The following NKAIN3 variants were observed in gnomAD, a reference collection of about 807,000 sequenced individuals.
NKAIN3 encodes sodium/potassium-transporting ATPase subunit beta-1-interacting protein 3.
A neutral mutation model predicts 30.2 loss-of-function variants in NKAIN3; 25 were observed. That is an observed-to-expected ratio of 0.83 (90% CI 0.60 to 1.16). The LOEUF (loss-of-function observed/expected upper bound fraction) is 1.16, where lower values mean the gene tolerates loss of function less well. NKAIN3 is among the 50% of genes most tolerant of loss of function. The pLI is 0.00. For missense variants in NKAIN3, 225 were observed against 254.1 expected (o/e 0.89, Z 0.78); for synonymous variants, 91 against 89.6 (o/e 1.02, Z -0.09).
intron 4 of NKAIN3, among the ~76,000 whole-genome samples, chr8:62,904,832 A>G (rs1247445690): frequency 1.3e-5 from 2 of 152,248 alleles, no homozygotes. Flanking sequence ...TTCATAGTAG[A>G]GACAAACATG....
chr8:62,862,991 A>G (rs1820299992), intron 4 of NKAIN3: 2 of 526,392 alleles, frequency 3.8e-6, no homozygotes, highest in Admixed American at 3.0e-5. Context: ...ATGTGTATGC[A>G]TACATATGTT....
intron 3 of NKAIN3, among the ~76,000 whole-genome samples, chr8:62,670,788 G>C (rs1813274762): frequency 6.6e-6 from 1 of 151,826 alleles, no homozygotes; most frequent in South Asian, 2.1e-4. Context: ...AATGGTGGCA[G>C]ATTTCTTTTA....
chr8:62,683,142 T>A (rs1289750323), intron 3 of NKAIN3, among the ~76,000 whole-genome samples: 1 of 152,196 alleles, frequency 6.6e-6, no homozygotes. Flanking sequence ...CATGCCATTC[T>A]CCTTCCCCAG....
chr8:62,589,617 A>G, intron 2 of NKAIN3, 97 bp from the exon 3 acceptor site: 1 of 560,982 alleles, frequency 1.8e-6, no homozygotes, highest in Non-Finnish European at 3.3e-6. Context: ...TTCCCAGAAG[A>G]CAGACTTATT....
intron 1 of NKAIN3, among the ~76,000 whole-genome samples, chr8:62,368,412 G>A (rs935521881): frequency 6.6e-6 from 1 of 152,166 alleles, no homozygotes; most frequent in Non-Finnish European, 1.5e-5. Flanking sequence ...ACAGTCAACT[G>A]ATTTTTGACA....
At chr8:62,365,257 G>A (rs1366234767) in intron 1 of NKAIN3, among the ~76,000 whole-genome samples, 2 of 152,072 alleles carry the variant, frequency 1.3e-5, no homozygotes, top group Non-Finnish European at 1.5e-5. Flanking sequence ...TGTGTCTTTT[G>A]CCAGTTTCAT....
rs192974974 is a variant in NKAIN3, at chr8:62,978,658, G to C, written c.*13251G>C. ...GGATCTTAGCTTTCTGGGCTCCATG[G>C]GGGTGGGATCTACTGATCAAGACCA... is the stretch of plus-strand genomic sequence containing the variant. On this transcript the variant is annotated 3_prime_UTR_variant, in exon 7 of 7. Coordinates refer to ENST00000623646, the MANE Select transcript of NKAIN3 (RefSeq NM_001304533.3). 6.5e-6 allele frequency: 1 copy of C among 152,772 alleles called. No homozygotes were observed. Among genetic ancestry groups the C allele is most frequent in the East Asian group, 1.9e-4 (1 of 5,168 alleles). The allele number at this position is 152,772 out of a possible 1,614,324, so 9.5% of individuals were successfully genotyped here.
chr8:62,882,445 G>A (rs1821014684), intron 4 of NKAIN3, among the ~76,000 whole-genome samples: 1 of 152,062 alleles, frequency 6.6e-6, no homozygotes, highest in African/African-American at 2.4e-5. Context: ...AATCCCCCTA[G>A]TAGCTAGCAT....
Position 62,589,660 on chromosome 8 carries a change from T to G in NKAIN3, c.193-54T>G, listed in dbSNP as rs1208254515. The G allele has an allele frequency of 6.8e-6, 5 of 739,992 alleles. 1 individual carries two copies. Among genetic ancestry groups the G allele is most frequent in the Non-Finnish European group, 1.2e-5 (5 of 421,788 alleles). The allele number at this position is 739,992 out of a possible 1,614,324, so 45.8% of individuals were successfully genotyped here. ...TTATTATTGATTTATTTGATATACATGCCTTTCATCTCCATATTTTTCTTC... is the reference window on the plus strand; with the variant it reads ...TTATTATTGATTTATTTGATATACAGGCCTTTCATCTCCATATTTTTCTTC... On this transcript the variant is annotated intron_variant, in intron 2 of 6. Coordinates refer to ENST00000623646, the MANE Select transcript of NKAIN3 (RefSeq NM_001304533.3).
chr8:62,583,866 A>AATC (rs1309955765), intron 2 of NKAIN3, among the ~76,000 whole-genome samples: 2 of 152,206 alleles, frequency 1.3e-5, no homozygotes, highest in Admixed American at 1.3e-4. Context: ...GTACCTAAAG[A>AATC]ATCATTAATC....
intron 4 of NKAIN3, among the ~76,000 whole-genome samples, chr8:62,845,278 T>G (rs1819644163): frequency 7.7e-6 from 1 of 129,730 alleles, no homozygotes; most frequent in Non-Finnish European, 1.6e-5. Context: ...ACCTGCTGGA[T>G]AGTAGATTAT....
chr8:62,505,648 C>T (rs1325991234), intron 1 of NKAIN3, among the ~76,000 whole-genome samples: 1 of 151,994 alleles, frequency 6.6e-6, no homozygotes, highest in Non-Finnish European at 1.5e-5. Context: ...CTTTGTTGAT[C>T]TTTTTTCAAA....
At chr8:62,545,996 A>G (rs1441569166) in intron 1 of NKAIN3, among the ~76,000 whole-genome samples, 1 of 152,216 alleles carries the variant, frequency 6.6e-6, no homozygotes, top group African/African-American at 2.4e-5. Context: ...TGAGAAGTAC[A>G]AAAATACTGG....
chr8:62,866,018 A>T (rs1453579442), intron 4 of NKAIN3, among the ~76,000 whole-genome samples: 3 of 152,206 alleles, frequency 2.0e-5, no homozygotes, highest in African/African-American at 7.2e-5. Context: ...CTTTAAAGGA[A>T]GAAAAAATAG....
At chr8:62,339,817 A>G (rs1336438470) in intron 1 of NKAIN3, among the ~76,000 whole-genome samples, 2 of 152,050 alleles carry the variant, frequency 1.3e-5, no homozygotes, top group Non-Finnish European at 2.9e-5. Context: ...TAATGTAAGA[A>G]CGGTGGGCTG....
chr8:62,787,900 G>C (rs1586195183), intron 4 of NKAIN3, among the ~76,000 whole-genome samples: 1 of 152,090 alleles, frequency 6.6e-6, no homozygotes, highest in South Asian at 2.1e-4. Context: ...TGGTGTATAT[G>C]TGCCACATTT....
intron 3 of NKAIN3, among the ~76,000 whole-genome samples, chr8:62,623,397 T>A (rs1811681998): frequency 1.3e-5 from 2 of 152,120 alleles, no homozygotes; most frequent in South Asian, 4.1e-4. Flanking sequence ...ATATGTGTAT[T>A]TGTTTACAAG....
intron 1 of NKAIN3, among the ~76,000 whole-genome samples, chr8:62,343,336 A>G (rs902003413): frequency 2.0e-5 from 3 of 152,072 alleles, no homozygotes; most frequent in African/African-American, 7.2e-5. Flanking sequence ...TGCCTGGCAT[A>G]GAGTCAGCCT....
At chr8:62,855,861 T>A in intron 4 of NKAIN3, 1 of 780,616 alleles carries the variant, frequency 1.3e-6, no homozygotes, top group Non-Finnish European at 2.3e-6. Context: ...CAACTCCTCT[T>A]CCTGTGGCAC....
Sources: allele counts gnomAD v4.1 joint callset (sites outside exome capture counted in the v4.1 genomes callset), GRCh38; gene constraint gnomAD v4.1.1; transcripts MANE v1.5; gene names NCBI Gene and HGNC (gene_info 2026-07-23, HGNC 2026-07-21).